Variants in SOX5 observed in about 807,000 individuals in gnomAD.
SOX5 encodes the protein transcription factor SOX-5.
SOX5 carries 9 observed loss-of-function variants against 92.0 expected under a neutral mutation model. That is an observed-to-expected ratio of 0.10 (90% CI 0.06 to 0.17). The LOEUF (loss-of-function observed/expected upper bound fraction) is 0.17. Among genes scored for constraint, SOX5 ranks in the 10% least tolerant of loss-of-function variants. SOX5 has a pLI of 1.00. For synonymous variants in SOX5, 344 were observed against 336.3 expected (o/e 1.02, Z -0.25); for missense variants, 642 against 944.5 (o/e 0.68, Z 4.20).
intron 2 of SOX5, among the ~76,000 whole-genome samples, chr12:24,328,311 C>A (rs1950938876): frequency 6.6e-6 from 1 of 152,152 alleles, no homozygotes; most frequent in South Asian, 2.1e-4. Flanking sequence ...TTTGCAGGGA[C>A]AATATATGCT....
chr12:24,022,684 C>T (rs1324627621), intron 4 of SOX5, among the ~76,000 whole-genome samples: 1 of 152,060 alleles, frequency 6.6e-6, no homozygotes, highest in Non-Finnish European at 1.5e-5. Flanking sequence ...TATTACTGCT[C>T]CATACACATG....
intron 8 of SOX5, among the ~76,000 whole-genome samples, chr12:23,621,509 C>G (rs547152058): frequency 6.6e-6 from 1 of 152,200 alleles, no homozygotes; most frequent in South Asian, 2.1e-4. Context: ...GAAAAAATCA[C>G]TGTTTTCCAA....
At chr12:23,737,946 A>G (rs2093663432) in intron 5 of SOX5, among the ~76,000 whole-genome samples, 1 of 152,176 alleles carries the variant, frequency 6.6e-6, no homozygotes, top group Admixed American at 6.5e-5. Flanking sequence ...CCTCATCTCC[A>G]ATGCCCTGCA....
intron 6 of SOX5, among the ~76,000 whole-genome samples, chr12:23,723,794 CCTT>C (rs1471961389): frequency 6.6e-6 from 1 of 151,472 alleles, no homozygotes; most frequent in Non-Finnish European, 1.5e-5. Flanking sequence ...GACATTAAAA[CCTT>C]CTCATTAGTT....
intron 1 of SOX5, among the ~76,000 whole-genome samples, chr12:23,930,055 T>C (rs1941049383): frequency 6.6e-6 from 1 of 151,782 alleles, no homozygotes; most frequent in South Asian, 2.1e-4. Context: ...TGGAGCTCCC[T>C]TTCTCACCCC....
chr12:24,267,871 A>G (rs903737108), intron 3 of SOX5, among the ~76,000 whole-genome samples: 1 of 152,212 alleles, frequency 6.6e-6, no homozygotes, highest in African/African-American at 2.4e-5. Context: ...ACTTTTAAAA[A>G]GTAATAAAAC....
intron 9 of SOX5, among the ~76,000 whole-genome samples, chr12:23,577,270 T>C (rs1235194153): frequency 6.9e-6 from 1 of 145,978 alleles, no homozygotes; most frequent in Non-Finnish European, 1.5e-5. Context: ...TCTCGGCTCA[T>C]CGTGATCTCC....
At chr12:24,403,763 T>C (rs183818719) in intron 1 of SOX5, among the ~76,000 whole-genome samples, 1 of 152,374 alleles carries the variant, frequency 6.6e-6, no homozygotes, top group Non-Finnish European at 1.5e-5. Context: ...CATTAAAGTG[T>C]ATTTTTCTTA....
chr12:23,691,535 C>T (rs377006212), intron 6 of SOX5, among the ~76,000 whole-genome samples: 1 of 152,054 alleles, frequency 6.6e-6, no homozygotes, highest in African/African-American at 2.4e-5. Flanking sequence ...GATTTTAAAC[C>T]ACTAAGTCAA....
intron 4 of SOX5, among the ~76,000 whole-genome samples, chr12:24,070,259 A>G (rs952633109): frequency 6.6e-6 from 1 of 152,076 alleles, no homozygotes; most frequent in African/African-American, 2.4e-5. Flanking sequence ...TACAGACCCA[A>G]TTCTAAATAA....
chr12:24,308,714 C>T (rs1948867863), intron 2 of SOX5, among the ~76,000 whole-genome samples: 1 of 152,126 alleles, frequency 6.6e-6, no homozygotes, highest in Admixed American at 6.6e-5. Context: ...AAAAAAAGTA[C>T]ACAAAAAACT....
chr12:23,984,748 T>C (rs1949904018), intron 4 of SOX5, among the ~76,000 whole-genome samples: 1 of 152,216 alleles, frequency 6.6e-6, no homozygotes, highest in Non-Finnish European at 1.5e-5. Context: ...CTTACTGTCA[T>C]TTTATTAGCA....
chr12:24,004,708 C>A (rs1951968674), intron 4 of SOX5, among the ~76,000 whole-genome samples: 1 of 152,082 alleles, frequency 6.6e-6, no homozygotes, highest in Admixed American at 6.6e-5. Context: ...AACAGTTTAG[C>A]AGTTTCATAA....
At chr12:24,024,008 G>C (rs1184901535) in intron 4 of SOX5, among the ~76,000 whole-genome samples, 3 of 151,968 alleles carry the variant, frequency 2.0e-5, no homozygotes, top group African/African-American at 7.2e-5. Flanking sequence ...TTGAAATCCA[G>C]AGTCTCAGAT....
intron 3 of SOX5, among the ~76,000 whole-genome samples, chr12:23,815,362 T>C (rs1053857047): frequency 3.9e-5 from 6 of 152,310 alleles, no homozygotes; most frequent in Admixed American, 3.3e-4. Context: ...CCACAAATCT[T>C]ACAACACGAG....
At chr12:23,613,992 C>T (rs76390977) in intron 8 of SOX5, among the ~76,000 whole-genome samples, 4,059 of 152,206 alleles carry the variant, frequency 0.027, 99 homozygotes, top group Middle Eastern at 0.082. Flanking sequence ...GGCCCAAGGA[C>T]AGCAGGTTTG....
At chr12:23,757,722 A>G (rs1312937345) in intron 3 of SOX5, among the ~76,000 whole-genome samples, 1 of 151,970 alleles carries the variant, frequency 6.6e-6, no homozygotes. Context: ...TGCACTAACA[A>G]TAGGCCCCTG....
rs964122907 is a variant in SOX5 at position 24,441,001 on chromosome 12, C to T, written c.-250-72362G>A. ...TCAGGGTTCATGCATTCTCCTCTTA[C>T]CAAATAATCACCTGAGAATGCAAGT... On this transcript the variant is annotated intron_variant, in intron 1 of 4. Coordinates refer to the SOX5 transcript ENST00000446891. Among the ~76,000 whole-genome samples, 5 of 152,174 alleles carry T rather than the reference C, an allele frequency of 3.3e-5. No individual in the cohort carries two copies. The South Asian group carries it at 6.2e-4, about 19-fold the overall frequency.
At chr12:24,216,997 G>A (rs980139423) in intron 3 of SOX5, among the ~76,000 whole-genome samples, 1 of 152,172 alleles carries the variant, frequency 6.6e-6, no homozygotes, top group Non-Finnish European at 1.5e-5. Context: ...TGATGTACCA[G>A]GAGGGTGTTG....
Sources: allele counts gnomAD v4.1 joint callset (sites outside exome capture counted in the v4.1 genomes callset), GRCh38; gene constraint gnomAD v4.1.1; transcripts MANE v1.5; gene names NCBI Gene and HGNC (gene_info 2026-07-23, HGNC 2026-07-21).